The following LCORL variants were observed in gnomAD, a reference collection of about 807,000 sequenced individuals.
LCORL encodes ligand-dependent nuclear receptor corepressor-like protein.
Under a neutral mutation model 141.8 loss-of-function variants are expected in LCORL, and 41 were observed. The ratio of observed to expected loss-of-function variants is 0.29; its 90% CI spans 0.23 to 0.38. LCORL has a LOEUF of 0.38. Ranked by LOEUF, LCORL falls within the 10% of genes least tolerant of loss-of-function variation. LCORL has a pLI of 1.00. For missense variants in LCORL, 1,759 were observed against 2,035.0 expected, an observed-to-expected ratio of 0.86 and a Z score of 2.61; for synonymous variants, 618 against 694.1, an observed-to-expected ratio of 0.89 and a Z score of 1.72.
chr4:17,911,837 AG>A, intron 4 of LCORL: 1 of 454,472 alleles, frequency 2.2e-6, no homozygotes. Context: ...ACCAGCTTCC[AG>A]GGCGGCTTGA....
chr4:17,897,258 TATAC>T (rs1730124458), intron 5 of LCORL, among the ~76,000 whole-genome samples: 1 of 131,098 alleles, frequency 7.6e-6, no homozygotes. Flanking sequence ...TTTTAGGGTA[TATAC>T]CTAGCAATGG....
At chr4:17,941,026 A>G (rs1737857109) in intron 4 of LCORL, among the ~76,000 whole-genome samples, 1 of 152,318 alleles carries the variant, frequency 6.6e-6, no homozygotes, top group South Asian at 2.1e-4. Context: ...AATAAAGTAG[A>G]AAAGATTCAG....
intron 1 of LCORL, among the ~76,000 whole-genome samples, chr4:17,973,614 G>C (rs1035827696): frequency 6.6e-6 from 1 of 151,690 alleles, no homozygotes; most frequent in Non-Finnish European, 1.5e-5. Flanking sequence ...CAAAATAATT[G>C]AGAAGCTAAG....
At chr4:17,864,414 C>T (rs1309190268) in intron 7 of LCORL, among the ~76,000 whole-genome samples, 2 of 152,100 alleles carry the variant, frequency 1.3e-5, no homozygotes, top group Admixed American at 1.3e-4. Context: ...CAGAGTTTCA[C>T]CATGTTGCCC....
intron 7 of LCORL, among the ~76,000 whole-genome samples, chr4:17,850,301 A>G (rs1229163359): frequency 6.7e-6 from 1 of 148,880 alleles, no homozygotes; most frequent in Non-Finnish European, 1.5e-5. Context: ...TAAACTAAAG[A>G]GCTTCTGCAC....
intron 6 of LCORL, among the ~76,000 whole-genome samples, chr4:17,879,270 C>T (rs79611690): frequency 0.078 from 11,808 of 150,980 alleles, 943 homozygotes; most frequent in African/African-American, 0.21. Flanking sequence ...CTAAAACTGA[C>T]ATAGCCTGTT....
intron 5 of LCORL, among the ~76,000 whole-genome samples, chr4:17,906,459 A>G (rs926836934): frequency 6.6e-6 from 1 of 152,126 alleles, no homozygotes; most frequent in Admixed American, 6.6e-5. Context: ...ACATATGACA[A>G]TAAGTCATTC....
At chr4:17,998,986 ATATATATAT>A (rs1721420058) in intron 1 of LCORL, among the ~76,000 whole-genome samples, 1 of 49,730 alleles carries the variant, frequency 2.0e-5, no homozygotes, top group African/African-American at 7.0e-5. Flanking sequence ...AAAAAAAAAA[ATATATATAT>A]ATATATATAC....
In LCORL at chr4:17,842,559, G is replaced by A. The variant is rs565838918; in HGVS notation, c.*3329C>T. 2.6e-4 allele frequency: 143 copies of A among 550,920 alleles called. 1 individual carries two copies. Among genetic ancestry groups the A allele is most frequent in the Non-Finnish European group, 4.0e-4 (121 of 304,926 alleles). 34.1% of individuals were successfully genotyped at this position (550,920 alleles called of 1,614,324 possible). On this transcript the variant is annotated 3_prime_UTR_variant, in exon 8 of 8. Coordinates refer to ENST00000635767, the Ensembl canonical transcript of LCORL. ...TCATCAAGAGCATTTGACTTCTTAC[G>A]GCGTGTTTGCTTTTGCCTATTAGCT...
intron 1 of LCORL, among the ~76,000 whole-genome samples, chr4:17,992,815 T>C (rs1320325798): frequency 6.6e-6 from 1 of 152,232 alleles, no homozygotes; most frequent in African/African-American, 2.4e-5. Context: ...TACTCATAAA[T>C]GTAAAACTGT....
intron 6 of LCORL, chr4:17,883,534 AT>A: frequency 7.5e-7 from 1 of 1,330,766 alleles, no homozygotes; most frequent in South Asian, 2.5e-5. Flanking sequence ...AAAACCCTGA[AT>A]AAAACTTTTT....
intron 2 of LCORL, among the ~76,000 whole-genome samples, chr4:17,964,149 G>A (rs932630809): frequency 6.6e-6 from 1 of 152,072 alleles, no homozygotes; most frequent in African/African-American, 2.4e-5. Context: ...TTCTGCAGTA[G>A]TACACAAACT....
At chr4:17,854,683 T>TA (rs1724148120) in intron 7 of LCORL, among the ~76,000 whole-genome samples, 1 of 151,990 alleles carries the variant, frequency 6.6e-6, no homozygotes, top group Non-Finnish European at 1.5e-5. Flanking sequence ...AATTGCTTTT[T>TA]TAAAAAAAAA....
chr4:17,990,096 G>GTTTT (rs372033680), intron 1 of LCORL, among the ~76,000 whole-genome samples: 5 of 122,648 alleles, frequency 4.1e-5, no homozygotes, highest in Non-Finnish European at 6.8e-5. Flanking sequence ...AACTCTCTGC[G>GTTTT]TTTTTTTTTT....
At chr4:18,004,815 A>G (rs930545084) in intron 1 of LCORL, among the ~76,000 whole-genome samples, 1 of 152,194 alleles carries the variant, frequency 6.6e-6, no homozygotes, top group East Asian at 1.9e-4. Flanking sequence ...TAGCAGATAC[A>G]ATGGGGGTAA....
intron 7 of LCORL, among the ~76,000 whole-genome samples, chr4:17,871,207 TACA>T (rs1413508397): frequency 6.6e-6 from 1 of 151,570 alleles, no homozygotes; most frequent in Non-Finnish European, 1.5e-5. Flanking sequence ...TTTCTATAAA[TACA>T]ACTTTATAAA....
At chr4:17,980,353 T>C (rs1717744221) in intron 1 of LCORL, among the ~76,000 whole-genome samples, 1 of 152,226 alleles carries the variant, frequency 6.6e-6, no homozygotes, top group African/African-American at 2.4e-5. Flanking sequence ...CTTCTGGGAC[T>C]GGAGAAAGGC....
chr4:17,958,939 T>C (rs751903333), intron 4 of LCORL, among the ~76,000 whole-genome samples: 1 of 152,064 alleles, frequency 6.6e-6, no homozygotes, highest in Non-Finnish European at 1.5e-5. Context: ...TTTTTAAACA[T>C]TTCTAAAGTA....
At chr4:17,888,186 ATGTT>A (rs1728560300) in intron 5 of LCORL, among the ~76,000 whole-genome samples, 1 of 152,136 alleles carries the variant, frequency 6.6e-6, no homozygotes, top group Non-Finnish European at 1.5e-5. Flanking sequence ...TATTCAATAA[ATGTT>A]TGCTGAATAG....
Sources: gnomAD v4.1 joint callset for allele counts (sites outside exome capture counted in the v4.1 genomes callset) on GRCh38, gnomAD v4.1.1 for gene constraint, MANE v1.5 for transcripts, NCBI Gene and HGNC (gene_info 2026-07-23, HGNC 2026-07-21) for gene names.